Variants in LIPC observed in about 807,000 individuals in gnomAD.
LIPC encodes hepatic triacylglycerol lipase.
A neutral mutation model predicts 50.7 loss-of-function variants in LIPC; 44 were observed. The observed-to-expected ratio is 0.87, with a 90% CI of 0.68 to 1.11. The LOEUF (loss-of-function observed/expected upper bound fraction) is 1.11, where lower values mean the gene tolerates loss of function less well. LIPC is among the 50% of genes most tolerant of loss of function. The probability of loss-of-function intolerance (pLI) is 0.00; values close to 1 mark genes in which losing one functional copy is unlikely to be tolerated. For synonymous variants in LIPC, 271 were observed against 256.4 expected, an observed-to-expected ratio of 1.06 and a Z score of -0.54; for missense variants, 697 against 648.2, an observed-to-expected ratio of 1.08 and a Z score of -0.82.
At chr15:58,563,864 G>A in intron 8 of LIPC, 141 bp downstream of exon 8, 1 of 774,430 alleles carries the variant, frequency 1.3e-6, no homozygotes, top group Non-Finnish European at 2.2e-6. Context: ...TCAGAAAGGT[G>A]AAGTGACTAT....
intron 6 of LIPC, among the ~76,000 whole-genome samples, chr15:58,551,112 C>T (rs1893744143): frequency 6.6e-6 from 1 of 152,116 alleles, no homozygotes; most frequent in South Asian, 2.1e-4. Context: ...GCTGGAATTA[C>T]AGGTGTGAGC....
In LIPC at chr15:58,538,466, G is replaced by T; in HGVS notation, c.222G>T (p.Glu74Asp). Residue 74 changes from glutamate (E) to aspartate (D), a missense_variant, in exon 2 of 9, where the codon GAG becomes GAT. Glu to Asp is a conservative substitution (Grantham distance 45, BLOSUM62 2). Transcript: ENST00000299022. ...IRINHPDTLQ[E>D]CGFNSSLPLV... Reference sequence around the variant, plus strand: ...TCAATCATCCGGACACGTTACAGGAGTGCGGCTTCAACTCCTCCCTGCCTC... The same window carrying T: ...TCAATCATCCGGACACGTTACAGGATTGCGGCTTCAACTCCTCCCTGCCTC... The T allele has an allele frequency of 6.2e-7, 1 of 1,614,232 alleles. No individual in the cohort carries two copies. Among genetic ancestry groups the T allele is most frequent in the Non-Finnish European group, 8.5e-7 (1 of 1,180,040 alleles).
intron 1 of LIPC, chr15:58,437,003 A>G: frequency 2.6e-6 from 1 of 387,016 alleles, no homozygotes; most frequent in Non-Finnish European, 5.1e-6. Flanking sequence ...TGAATGCCCA[A>G]GTGCAAACCA....
intron 1 of LIPC, among the ~76,000 whole-genome samples, chr15:58,499,583 C>T (rs1431040295): frequency 2.0e-5 from 3 of 152,116 alleles, no homozygotes; most frequent in Admixed American, 6.5e-5. Flanking sequence ...AGTCAGCCAC[C>T]GAACCCTATA....
Position 58,492,210 on chromosome 15 carries a change from C to T in LIPC, c.89-46123C>T, listed in dbSNP as rs529629767. ...AGTTCCTAGCAGATCCTCAACTTGG[C>T]CTGCTTTGATGTTTGTGAATGGCAG... On this transcript the variant is annotated intron_variant, in intron 1 of 8. Transcript: ENST00000299022. Among the ~76,000 whole-genome samples the T allele has an allele frequency of 4.6e-5, 7 of 152,230 alleles. No individual in the cohort carries two copies. The East Asian group carries it at 5.8e-4, about 13-fold the overall frequency.
rs567787166 is a variant in LIPC at position 58,473,289 on chromosome 15, C to T, written c.88+41169C>T. ...CTGCCAGGGAATCAGTGATGAGCCC[C>T]AGGAAATGCTTTTTGTCTAAAAATA... is the stretch of plus-strand genomic sequence containing the variant. On this transcript the variant is annotated intron_variant, in intron 1 of 8. Transcript: ENST00000299022. Among the ~76,000 whole-genome samples the T allele has an allele frequency of 4.5e-4, 69 of 152,234 alleles. 1 individual carries two copies. In the South Asian group the frequency reaches 0.014, roughly 31 times the overall value.
chr15:58,482,873 C>A (rs1316619745), intron 1 of LIPC, among the ~76,000 whole-genome samples: 3 of 152,188 alleles, frequency 2.0e-5, no homozygotes, highest in African/African-American at 4.8e-5. Context: ...CTGACTCTGC[C>A]ATTAACTGAG....
At chr15:58,514,705 T>G (rs1194870914) in intron 1 of LIPC, among the ~76,000 whole-genome samples, 1 of 152,112 alleles carries the variant, frequency 6.6e-6, no homozygotes. Flanking sequence ...ACACCTGTAA[T>G]CCCAGCTACT....
rs575460950 is a variant in LIPC at position 58,469,611 on chromosome 15, G to A, written c.88+37491G>A. Among the ~76,000 whole-genome samples, 3 of 152,252 alleles carry A rather than the reference G, an allele frequency of 2.0e-5. No homozygotes were observed. In the South Asian group the frequency reaches 6.2e-4, roughly 32 times the overall value. On this transcript the variant is annotated intron_variant, in intron 1 of 8. Coordinates refer to ENST00000299022, the MANE Select transcript of LIPC (RefSeq NM_000236.3). The stretch of plus-strand genomic sequence containing the variant: ...GGGCTGCCCATTCACCCAGTCACCA[G>A]GCAGATAGACAGGTAAGAGAACTGG...
intron 2 of LIPC, among the ~76,000 whole-genome samples, chr15:58,539,952 G>A (rs1449782368): frequency 6.6e-6 from 1 of 152,144 alleles, no homozygotes; most frequent in Non-Finnish European, 1.5e-5. Flanking sequence ...AGTGTCACCG[G>A]GAGTTCCCGT....
At chr15:58,516,003 A>G (rs563967952) in intron 1 of LIPC, among the ~76,000 whole-genome samples, 15 of 152,234 alleles carry the variant, frequency 9.9e-5, no homozygotes, top group African/African-American at 3.6e-4. Flanking sequence ...TGACCACCAC[A>G]TGTTAGTGCA....
chr15:58,490,852 G>C (rs71478671), intron 1 of LIPC, among the ~76,000 whole-genome samples: 1 of 152,058 alleles, frequency 6.6e-6, no homozygotes, highest in South Asian at 2.1e-4. Flanking sequence ...GGCAGCACTT[G>C]CAAAAATTTC....
At chr15:58,445,407 G>T (rs1893659403) in intron 1 of LIPC, among the ~76,000 whole-genome samples, 1 of 152,220 alleles carries the variant, frequency 6.6e-6, no homozygotes, top group South Asian at 2.1e-4. Context: ...TCAGACGAGG[G>T]GAAAGGGCCA....
At chr15:58,501,338 C>A (rs1322050173) in intron 1 of LIPC, among the ~76,000 whole-genome samples, 2 of 126,090 alleles carry the variant, frequency 1.6e-5, no homozygotes, top group African/African-American at 6.0e-5. Flanking sequence ...TACCTAGAGG[C>A]CTCTCATACT....
intron 1 of LIPC, among the ~76,000 whole-genome samples, chr15:58,509,586 C>T (rs1892270263): frequency 6.6e-6 from 1 of 151,852 alleles, no homozygotes; most frequent in African/African-American, 2.4e-5. Context: ...AATTCATTTC[C>T]CAAACACAAT....
chr15:58,481,331 T>C (rs182885820), intron 1 of LIPC, among the ~76,000 whole-genome samples: 1 of 152,170 alleles, frequency 6.6e-6, no homozygotes, highest in Non-Finnish European at 1.5e-5. Context: ...GACACAGTAA[T>C]TGCACTTATA....
chr15:58,463,516 C>G (rs1183586668), intron 1 of LIPC, among the ~76,000 whole-genome samples: 1 of 152,232 alleles, frequency 6.6e-6, no homozygotes, highest in Non-Finnish European at 1.5e-5. Flanking sequence ...CCCCTTTAAG[C>G]TACAGCACCC....
intron 2 of LIPC, among the ~76,000 whole-genome samples, chr15:58,539,369 T>C (rs1893248176): frequency 6.6e-6 from 1 of 152,238 alleles, no homozygotes; most frequent in African/African-American, 2.4e-5. Context: ...GAAAGGTGGC[T>C]GAGAAGTATA....
chr15:58,462,779 T>C (rs941798746), intron 1 of LIPC, among the ~76,000 whole-genome samples: 1 of 152,090 alleles, frequency 6.6e-6, no homozygotes, highest in African/African-American at 2.4e-5. Flanking sequence ...TCCCAGGCAA[T>C]CCTATAAGGA....
Sources: allele counts gnomAD v4.1 joint callset (sites outside exome capture counted in the v4.1 genomes callset), GRCh38; gene constraint gnomAD v4.1.1; transcripts MANE v1.5; gene names NCBI Gene and HGNC (gene_info 2026-07-23, HGNC 2026-07-21).